Variants in ASH1L observed in about 807,000 individuals in gnomAD.
ASH1L encodes the protein histone-lysine N-methyltransferase ASH1L.
In ASH1L, 23 loss-of-function variants were observed where a neutral mutation model predicts 269.0. The observed-to-expected ratio is 0.09, with a 90% CI of 0.06 to 0.12. The LOEUF is 0.12. ASH1L is among the 10% of genes least tolerant of loss of function. ASH1L has a pLI of 1.00. For synonymous variants in ASH1L, 1,187 were observed against 1,253.5 expected (o/e 0.95, Z 1.12); for missense variants, 2,912 against 3,567.8 (o/e 0.82, Z 4.68).
chr1:155,349,631 C>T (rs1473988495), intron 17 of ASH1L, 35 bp from the exon 18 acceptor site: 2 of 1,605,024 alleles, frequency 1.2e-6, no homozygotes, highest in Non-Finnish European at 8.5e-7. Context: ...AGAAAGATTC[C>T]ACCATACAAG....
rs374861569 is a variant in ASH1L at position 155,502,051 on chromosome 1, GTTTTC to G, written c.420+19044_420+19048del. On this transcript the variant is annotated intron_variant, in intron 2 of 27. Transcript: ENST00000392403. ...ATATTTGAGTAATACAGTTATGACAGTTTTCTTTTCTTTTCTTTTCTTTTTTTTTT... is the reference window on the plus strand; with the variant it reads ...ATATTTGAGTAATACAGTTATGACAGTTTTCTTTTCTTTTCTTTTTTTTTT... 9.4e-3 allele frequency among the ~76,000 whole-genome samples: 1,388 copies of G among 147,930 alleles called. 9 individuals are homozygous for G. Among genetic ancestry groups the G allele is most frequent in the Middle Eastern group, 0.021 (6 of 286 alleles).
chr1:155,342,436 T>C (rs1304285455), intron 24 of ASH1L, among the ~76,000 whole-genome samples: 2 of 152,086 alleles, frequency 1.3e-5, no homozygotes, highest in African/African-American at 2.4e-5. Context: ...AGGCATAAAT[T>C]TGAGGGAAGC....
chr1:155,346,284 T>C, intron 21 of ASH1L, 99 bp downstream of exon 21: 1 of 1,550,954 alleles, frequency 6.4e-7, no homozygotes, highest in Non-Finnish European at 8.9e-7. Context: ...CTGAACAACC[T>C]ATTAAAGGAA....
At chr1:155,403,487 C>T (rs1659021755) in intron 6 of ASH1L, among the ~76,000 whole-genome samples, 1 of 152,180 alleles carries the variant, frequency 6.6e-6, no homozygotes, top group Non-Finnish European at 1.5e-5. Flanking sequence ...TTCTCTAATT[C>T]TCTAAGCCTT....
At chr1:155,362,762 G>A (rs1482424363) in intron 12 of ASH1L, among the ~76,000 whole-genome samples, 1 of 151,924 alleles carries the variant, frequency 6.6e-6, no homozygotes, top group Non-Finnish European at 1.5e-5. Flanking sequence ...AAGTATATAC[G>A]CCTCAGAGTT....
At chr1:155,488,668 C>CGAAAAAAAA (rs1666516013) in intron 2 of ASH1L, among the ~76,000 whole-genome samples, 1 of 29,188 alleles carries the variant, frequency 3.4e-5, no homozygotes, top group Admixed American at 5.6e-4. Context: ...GACTCTGTCA[C>CGAAAAAAAA]AAAAAAAAAA....
intron 3 of ASH1L, among the ~76,000 whole-genome samples, chr1:155,471,673 T>C (rs1221717566): frequency 6.6e-6 from 1 of 152,248 alleles, no homozygotes; most frequent in African/African-American, 2.4e-5. Context: ...CTGCATCCTT[T>C]GTAACAAAAC....
At chr1:155,465,144 A>G (rs1664578475) in intron 3 of ASH1L, among the ~76,000 whole-genome samples, 1 of 152,116 alleles carries the variant, frequency 6.6e-6, no homozygotes, top group Non-Finnish European at 1.5e-5. Context: ...AGAATAGATA[A>G]AATTCTCACT....
At chr1:155,358,373 C>T (rs981577824) in intron 13 of ASH1L, among the ~76,000 whole-genome samples, 1 of 151,920 alleles carries the variant, frequency 6.6e-6, no homozygotes, top group African/African-American at 2.4e-5. Flanking sequence ...CTGTCCTCTC[C>T]TATATACTTC....
chr1:155,417,317 A>C (rs1174471597), intron 5 of ASH1L, among the ~76,000 whole-genome samples: 1 of 152,038 alleles, frequency 6.6e-6, no homozygotes, highest in Non-Finnish European at 1.5e-5. Context: ...CTGAAAAGGG[A>C]TATATCAGAG....
At chr1:155,554,702 C>CA in intron 1 of ASH1L, among the ~76,000 whole-genome samples, 1 of 151,722 alleles carries the variant, frequency 6.6e-6, no homozygotes, top group South Asian at 2.1e-4. Context: ...ATTTAAAAAA[C>CA]AAAAACAAAA....
intron 2 of ASH1L, among the ~76,000 whole-genome samples, chr1:155,485,067 G>T (rs1232729988): frequency 6.6e-6 from 1 of 150,770 alleles, no homozygotes; most frequent in African/African-American, 2.4e-5. Flanking sequence ...GAGAGCAGTC[G>T]AACATGGTGA....
At chr1:155,522,331 G>A (rs1668947346) in intron 1 of ASH1L, among the ~76,000 whole-genome samples, 1 of 152,018 alleles carries the variant, frequency 6.6e-6, no homozygotes, top group Admixed American at 6.6e-5. Context: ...CATATGCCAG[G>A]CATCATGCTA....
chr1:155,561,297 T>C (rs1671947343), intron 1 of ASH1L, among the ~76,000 whole-genome samples: 1 of 145,868 alleles, frequency 6.9e-6, no homozygotes, highest in Admixed American at 7.2e-5. Context: ...AAAGATATTT[T>C]GGCCCTTCAC....
chr1:155,456,047 T>C (rs1001438187), intron 4 of ASH1L, among the ~76,000 whole-genome samples: 4 of 152,176 alleles, frequency 2.6e-5, no homozygotes, highest in Non-Finnish European at 5.9e-5. Context: ...CAGCTGGATG[T>C]GTTCCAATTA....
upstream of ASH1L, chr1:155,563,147 G>A (rs1024370267): frequency 1.7e-5 from 8 of 457,180 alleles, no homozygotes; most frequent in Non-Finnish European, 3.5e-5. Context: ...CGCGGCGAGC[G>A]GATCGAGGAC....
chr1:155,496,062 C>T (rs1470721069), intron 2 of ASH1L, among the ~76,000 whole-genome samples: 3 of 152,186 alleles, frequency 2.0e-5, no homozygotes, highest in African/African-American at 7.2e-5. Context: ...TACTTTATTA[C>T]CTTTTACATT....
intron 1 of ASH1L, among the ~76,000 whole-genome samples, chr1:155,546,173 AAAC>A (rs1345920903): frequency 6.6e-6 from 1 of 150,782 alleles, no homozygotes; most frequent in Non-Finnish European, 1.5e-5. Flanking sequence ...AAAAAAAAAA[AAAC>A]AAAAATTAGC....
chr1:155,365,800 AACTATGAATGGCCCTTACCAT>A (rs1655368005), intron 12 of ASH1L, among the ~76,000 whole-genome samples: 2 of 152,288 alleles, frequency 1.3e-5, no homozygotes, highest in South Asian at 4.1e-4. Flanking sequence ...CTTTTGTCAG[AACTATGAATGGCCCTTACCAT>A]ACTGACACTT....
Sources: allele counts gnomAD v4.1 joint callset (sites outside exome capture counted in the v4.1 genomes callset), GRCh38; gene constraint gnomAD v4.1.1; transcripts MANE v1.5; gene names NCBI Gene and HGNC (gene_info 2026-07-23, HGNC 2026-07-21).